SRCAP: variants seen among roughly 807,000 people sequenced by gnomAD.
SRCAP encodes the protein chromatin remodeling protein SRCAP.
Under a neutral mutation model 263.1 loss-of-function variants are expected in SRCAP, and 46 were observed. That is an observed-to-expected ratio of 0.17 (90% CI 0.14 to 0.22). The LOEUF (loss-of-function observed/expected upper bound fraction) is 0.22. SRCAP is among the 10% of genes least tolerant of loss of function. The pLI, the probability that SRCAP is intolerant of heterozygous loss-of-function variation, is 1.00. For synonymous variants in SRCAP, 1,813 were observed against 1,662.1 expected (o/e 1.09, Z -2.21); for missense variants, 3,695 against 4,181.9 (o/e 0.88, Z 3.21).
In SRCAP at chr16:30,712,819, C is replaced by T. The variant is rs1435068574; in HGVS notation, c.2130+4C>T. 5.6e-6 allele frequency: 9 copies of T among 1,613,898 alleles called. No homozygotes were observed. The highest frequency in any genetic ancestry group is 3.3e-5 in the Admixed American group (2 of 59,986). On this transcript the variant is annotated splice_donor_region_variant and intron_variant, in intron 14 of 33. Transcript: ENST00000262518. Reference sequence around the variant, plus strand: ...AGAGAGGAAGCTCAAGCGGCAGGTTCGATGTTTCATGTGGTCACTTTCCTC... The same window carrying T: ...AGAGAGGAAGCTCAAGCGGCAGGTTTGATGTTTCATGTGGTCACTTTCCTC...
At chr16:30,730,362 T>C (rs890679067) in intron 27 of SRCAP, among the ~76,000 whole-genome samples, 4 of 152,268 alleles carry the variant, frequency 2.6e-5, no homozygotes, top group Non-Finnish European at 4.4e-5. Context: ...TGAGCCAATC[T>C]GAGAATAGTG....
intron 25 of SRCAP, chr16:30,725,376 C>T (rs2053054739): frequency 5.2e-6 from 2 of 383,918 alleles, no homozygotes; most frequent in Non-Finnish European, 9.4e-6. Context: ...AGGAACTCTT[C>T]TCTGTCCCTT....
chr16:30,737,916 G>C lies in SRCAP; in HGVS notation c.7876G>C (p.Asp2626His). 5.6e-6 allele frequency: 9 copies of C among 1,614,234 alleles called. No homozygotes were observed. The highest frequency in any genetic ancestry group is 6.8e-6 in the Non-Finnish European group (8 of 1,180,034). ...IPNGQEQEAP[D>H]SAEGTTLTVL... is the part of the protein sequence containing the mutation. The stretch of plus-strand genomic sequence containing the variant: ...CAATGGTCAAGAGCAGGAGGCACCA[G>C]ATTCTGCTGAGGGGACCACCCTTAC... The change falls in exon 34 of 34, where the codon GAT becomes CAT. Residue 2626 changes from aspartate (D) to histidine (H), a missense_variant. By Grantham distance (81) the Asp-to-His change is moderately conservative. Transcript: ENST00000262518.
At chr16:30,735,000 A>C (rs907268842) in intron 31 of SRCAP, among the ~76,000 whole-genome samples, 7 of 152,140 alleles carry the variant, frequency 4.6e-5, no homozygotes, top group Non-Finnish European at 7.4e-5. Flanking sequence ...AAAACACACA[A>C]ATGCTCAGAC....
chr16:30,721,472 G>T lies in SRCAP; in HGVS notation c.3537G>T (p.Leu1179=). 6.2e-7 allele frequency: 1 copy of T among 1,608,742 alleles called. No individual in the cohort carries two copies. Among genetic ancestry groups the T allele is most frequent in the Non-Finnish European group, 8.5e-7 (1 of 1,179,798 alleles). ...LILSPDMQAR[L]PSGEVVSIGQ... Reference sequence around the variant, plus strand: ...TATCTCCCGATATGCAGGCTCGCCTGCCCTGTAAGTTCCCAGGGCTCTGTG... The same window carrying T: ...TATCTCCCGATATGCAGGCTCGCCTTCCCTGTAAGTTCCCAGGGCTCTGTG... Residue 1179 remains leucine, a synonymous_variant, in exon 21 of 34, where the codon CTG becomes CTT. Transcript: ENST00000262518.
chr16:30,724,020 A>C lies in SRCAP; in HGVS notation c.4596A>C (p.Ser1532=), dbSNP rs114204931. The C allele has an allele frequency of 6.2e-4, 999 of 1,613,728 alleles. 4 individuals carry two copies. In the African/African-American group the frequency reaches 0.012, roughly 19 times the overall value. The change falls in exon 25 of 34, where the codon TCA becomes TCC. Residue 1532 remains serine (S), a synonymous_variant. Coordinates refer to ENST00000262518, the MANE Select transcript of SRCAP (RefSeq NM_006662.3). ...GHPLLLAPTS[S]HVPGLNSTVA... is the part of the protein sequence containing the mutation. ...CTCTGTTGTTGGCTCCCACCTCTTC[A>C]CATGTTCCAGGGTTGAACTCAACCG...
In SRCAP at chr16:30,721,198, C is replaced by T. The variant is rs1277495122; in HGVS notation, c.3263C>T (p.Ser1088Phe). ...NSGSLPQVLP[S>F]PLGVLSGTSR... ...TGCTTTGTGTCTGCAGTGTTGCCAT[C>T]CCCCCTGGGGGTCCTGAGTGGGACC... Residue 1088 changes from serine (S) to phenylalanine (F), a missense_variant, in exon 21 of 34, where the codon TCC becomes TTC. Coordinates refer to ENST00000262518, the MANE Select transcript of SRCAP (RefSeq NM_006662.3). 1.9e-6 allele frequency: 3 copies of T among 1,605,754 alleles called. No homozygotes were observed. Among genetic ancestry groups the T allele is most frequent in the South Asian group, 1.1e-5 (1 of 89,928 alleles).
Position 30,720,431 on chromosome 16 carries a change from G to A in SRCAP, c.2987+100G>A, listed in dbSNP as rs565246422. The A allele has an allele frequency of 1.6e-4, 217 of 1,391,410 alleles. 1 individual carries two copies. Among genetic ancestry groups the A allele is most frequent in the Non-Finnish European group, 2.0e-5 (20 of 1,015,746 alleles). 86.2% of individuals were successfully genotyped at this position (1,391,410 alleles called of 1,614,324 possible). A position where few individuals can be genotyped will look rare whatever the true frequency, so the allele number is the denominator to read the frequency against. On this transcript the variant is annotated intron_variant, in intron 19 of 33. Coordinates refer to ENST00000262518, the MANE Select transcript of SRCAP (RefSeq NM_006662.3). Reference sequence around the variant, plus strand: ...GAAGAAAAGAGTTGGATGCAAGGCTGGAATATTTATATGGGATGGGTGCAA... The same window carrying A: ...GAAGAAAAGAGTTGGATGCAAGGCTAGAATATTTATATGGGATGGGTGCAA...
Position 30,707,654 on chromosome 16 carries a change from G to C in SRCAP, c.575G>C (p.Arg192Pro). The stretch of plus-strand genomic sequence containing the variant: ...CGGAGGGAGGAGCAGGCCAAGCTGC[G>C]TCGAATTGCTTCCACCATGGCCAAG... ...RARREEQAKL[R>P]RIASTMAKDV... The change falls in exon 6 of 34, where the codon CGT becomes CCT. Residue 192 changes from arginine (R) to proline (P), a missense_variant. By Grantham distance (103) the Arg-to-Pro change is moderately radical. This residue lies in a region of SRCAP where 107 missense variants were observed against 223.8 expected (regional missense o/e 0.48). Transcript: ENST00000262518. 1 of 1,614,140 alleles carries C rather than the reference G, an allele frequency of 6.2e-7. No homozygotes were observed. The highest frequency in any genetic ancestry group is 8.5e-7 in the Non-Finnish European group (1 of 1,180,022).
chr16:30,738,026 G>A lies in SRCAP; in HGVS notation c.7986G>A (p.Glu2662=). The A allele has an allele frequency of 6.2e-7, 1 of 1,614,140 alleles. No homozygotes were observed. Among genetic ancestry groups the A allele is most frequent in the South Asian group, 1.1e-5 (1 of 91,090 alleles). The part of the protein sequence containing the change: ...LELPPSAASD[E]PLQEPLEADR... Reference sequence around the variant, plus strand: ...TCCCACCCTCAGCAGCATCTGATGAGCCACTTCAGGAGCCACTGGAGGCTG... The same window carrying A: ...TCCCACCCTCAGCAGCATCTGATGAACCACTTCAGGAGCCACTGGAGGCTG... Residue 2662 remains glutamate, a synonymous_variant, in exon 34 of 34, where the codon GAG becomes GAA. Coordinates refer to ENST00000262518, the MANE Select transcript of SRCAP (RefSeq NM_006662.3).
rs1360451730 is a variant in SRCAP at position 30,738,878 on chromosome 16, A to C, written c.8838A>C (p.Arg2946=). Residue 2946 remains arginine (R), a synonymous_variant, in exon 34 of 34, where the codon CGA becomes CGC. Coordinates refer to ENST00000262518, the MANE Select transcript of SRCAP (RefSeq NM_006662.3). ...GGCGAGGACGACCCCCTAAAGCACG[A>C]GATTTGCCCATCCCTGGGACCATTT... ...KRRRGRPPKA[R]DLPIPGTISS... 1.2e-6 allele frequency: 2 copies of C among 1,614,092 alleles called. No individual in the cohort carries two copies. Among genetic ancestry groups the C allele is most frequent in the Non-Finnish European group, 1.7e-6 (2 of 1,180,016 alleles).
At chr16:30,702,902 T>C (rs1163096776) in intron 3 of SRCAP, among the ~76,000 whole-genome samples, 2 of 151,874 alleles carry the variant, frequency 1.3e-5, no homozygotes, top group Non-Finnish European at 2.9e-5. Flanking sequence ...TTAATGCTTT[T>C]GCAGTACCTT....
Position 30,733,305 on chromosome 16 carries a change from G to A in SRCAP, c.6153G>A (p.Leu2051=), listed in dbSNP as rs746684523. Residue 2051 remains leucine, a synonymous_variant, in exon 28 of 34, where the codon CTG becomes CTA. Coordinates refer to ENST00000262518, the MANE Select transcript of SRCAP (RefSeq NM_006662.3). This position sits in a 1 kb window ranked among gnomAD's most constrained non-coding sequence, Gnocchi z 5.3. ...GAAAGTTGCAGACGTTGGCAGTGCTGTTGCGGCAGCTCAAGGCAGAGGGCC... is the reference window on the plus strand; with the variant it reads ...GAAAGTTGCAGACGTTGGCAGTGCTATTGCGGCAGCTCAAGGCAGAGGGCC... ...DCGKLQTLAV[L]LRQLKAEGHR... The A allele has an allele frequency of 1.2e-6, 2 of 1,614,088 alleles. No individual in the cohort carries two copies. The highest frequency in any genetic ancestry group is 1.7e-6 in the Non-Finnish European group (2 of 1,180,034).
intron 25 of SRCAP, among the ~76,000 whole-genome samples, chr16:30,726,723 C>G (rs1390697285): frequency 2.0e-5 from 3 of 151,164 alleles, no homozygotes; most frequent in African/African-American, 7.3e-5. Context: ...ATTTTTGAGA[C>G]AGAATCTTGC....
At chr16:30,711,546 C>T (rs750892954) in intron 10 of SRCAP, 25 bp from the exon 11 acceptor site, 5 of 1,561,958 alleles carry the variant, frequency 3.2e-6, no homozygotes, top group East Asian at 2.2e-5. Flanking sequence ...TCAGAGCAAC[C>T]AAAAGCTTTT....
intron 27 of SRCAP, among the ~76,000 whole-genome samples, chr16:30,731,781 GT>G (rs1238513565): frequency 1.3e-5 from 2 of 152,142 alleles, no homozygotes; most frequent in Non-Finnish European, 2.9e-5. Flanking sequence ...AGCCTGGGAG[GT>G]TGAGGTGCAG....
Position 30,739,433 on chromosome 16 carries a change from A to C in SRCAP, c.9393A>C (p.Leu3131=). 1 of 1,614,156 alleles carries C rather than the reference A, an allele frequency of 6.2e-7. No homozygotes were observed. The highest frequency in any genetic ancestry group is 1.1e-5 in the South Asian group (1 of 91,084). The change falls in exon 34 of 34, where the codon CTA becomes CTC. Residue 3131 remains leucine (L), a synonymous_variant. Coordinates refer to ENST00000262518, the MANE Select transcript of SRCAP (RefSeq NM_006662.3). The part of the protein sequence containing the change: ...RLRPGSLVPP[L]ETEKLPRKRA... ...GTCCAGGGTCTCTAGTCCCCCCACT[A>C]GAGACTGAGAAGTTGCCTCGCAAAC...
chr16:30,734,557 C>T lies in SRCAP; in HGVS notation c.6671C>T (p.Ser2224Phe), dbSNP rs201111248. The change falls in exon 31 of 34, where the codon TCT becomes TTT. Residue 2224 changes from serine to phenylalanine, a missense_variant. By Grantham distance (155) the Ser-to-Phe change is radical (BLOSUM62 -2). Transcript: ENST00000262518. ...GAACCTTCTAGCTCATCCGTGCCCT[C>T]TGCCCCTGAAGAGGAGGAAGAGACT... ...LEEPSSSSVP[S>F]APEEEEETVA... The T allele has an allele frequency of 9.3e-6, 15 of 1,614,002 alleles. No homozygotes were observed. Among genetic ancestry groups the T allele is most frequent in the East Asian group, 2.2e-5 (1 of 44,870 alleles).
At chr16:30,720,408 A>C (rs1387009264) in intron 19 of SRCAP, 77 bp downstream of exon 19, 3 of 1,504,454 alleles carry the variant, frequency 2.0e-6, no homozygotes, top group Non-Finnish European at 2.7e-6. Context: ...TGGGGTGGGA[A>C]GAAAAGAGTT....
Sources: gnomAD v4.1 joint callset for allele counts (sites outside exome capture counted in the v4.1 genomes callset) on GRCh38, gnomAD v4.1.1 for gene constraint, gnomAD v4.1.1 regional missense constraint, Gnocchi (gnomAD v3.1) non-coding constraint, MANE v1.5 for transcripts, NCBI Gene and HGNC (gene_info 2026-07-23, HGNC 2026-07-21) for gene names.